Variants in PAX7 observed in about 807,000 individuals in gnomAD.
PAX7 encodes the protein paired box 7.
In PAX7, 18 loss-of-function variants were observed where a neutral mutation model predicts 50.7. The ratio of observed to expected loss-of-function variants is 0.36; its 90% confidence interval spans 0.25 to 0.53. The LOEUF (loss-of-function observed/expected upper bound fraction) is 0.53. Ranked by LOEUF, PAX7 falls within the 20% of genes least tolerant of loss-of-function variation. The pLI is 0.93. For missense variants in PAX7, 644 were observed against 702.9 expected (o/e 0.92, Z 0.95); for synonymous variants, 310 against 290.4 (o/e 1.07, Z -0.69).
intron 7 of PAX7, among the ~76,000 whole-genome samples, chr1:18,715,416 A>G (rs537160296): frequency 8.5e-4 from 129 of 152,370 alleles, no homozygotes; most frequent in African/African-American, 2.9e-3. Context: ...ACCACAAGCC[A>G]GATGCTGTGC....
intron 5 of PAX7, among the ~76,000 whole-genome samples, chr1:18,692,534 T>A (rs1348178444): frequency 1.5e-5 from 2 of 133,782 alleles, no homozygotes; most frequent in Admixed American, 1.6e-4. Context: ...AGAGCGAGAC[T>A]CCATCTCACA....
intron 8 of PAX7, among the ~76,000 whole-genome samples, chr1:18,738,371 C>T (rs950865684): frequency 6.6e-6 from 1 of 152,140 alleles, no homozygotes; most frequent in Admixed American, 6.5e-5. Context: ...CACCCAAGCT[C>T]GGTGCCCTGC....
intron 4 of PAX7, among the ~76,000 whole-genome samples, chr1:18,680,077 T>C (rs1301871775): frequency 1.3e-5 from 2 of 152,146 alleles, no homozygotes; most frequent in Non-Finnish European, 2.9e-5. Flanking sequence ...TTGTCCTCAT[T>C]TTACAGATGA....
intron 3 of PAX7, 141 bp downstream of exon 3, chr1:18,635,381 A>T: frequency 1.1e-6 from 1 of 918,346 alleles, no homozygotes; most frequent in Non-Finnish European, 1.6e-6. Flanking sequence ...AGGAGTACAG[A>T]AAGGCAGAGT....
chr1:18,698,659 G>A (rs1199525210), intron 5 of PAX7, among the ~76,000 whole-genome samples: 4 of 152,168 alleles, frequency 2.6e-5, no homozygotes, highest in South Asian at 4.1e-4. Context: ...TCCTTGCAGG[G>A]CTCCCTCCAG....
chr1:18,659,597 C>T (rs543662566), intron 4 of PAX7, among the ~76,000 whole-genome samples: 10 of 152,210 alleles, frequency 6.6e-5, no homozygotes, highest in African/African-American at 2.4e-4. Context: ...TGGTTTTTCC[C>T]CTGGGGAAAG....
chr1:18,668,785 A>G (rs1217597409), intron 4 of PAX7, among the ~76,000 whole-genome samples: 3 of 152,234 alleles, frequency 2.0e-5, no homozygotes, highest in Non-Finnish European at 4.4e-5. Context: ...CTTTGCATGC[A>G]TTCACATAAA....
At chr1:18,689,801 T>C (rs2089040732) in intron 4 of PAX7, among the ~76,000 whole-genome samples, 1 of 152,266 alleles carries the variant, frequency 6.6e-6, no homozygotes, top group African/African-American at 2.4e-5. Flanking sequence ...TGTGCTCTCC[T>C]GTCTGCCTGC....
At chr1:18,656,375 T>C (rs1452346368) in intron 4 of PAX7, among the ~76,000 whole-genome samples, 1 of 152,112 alleles carries the variant, frequency 6.6e-6, no homozygotes, top group Non-Finnish European at 1.5e-5. Flanking sequence ...GGTGCACACC[T>C]GTAATCCCAG....
At chr1:18,685,309 C>G (rs944404514) in intron 4 of PAX7, among the ~76,000 whole-genome samples, 1 of 152,176 alleles carries the variant, frequency 6.6e-6, no homozygotes, top group African/African-American at 2.4e-5. Context: ...GTGACTGCTG[C>G]AGTGTGTCAG....
chr1:18,676,506 G>A (rs925858209), intron 4 of PAX7, among the ~76,000 whole-genome samples: 6 of 150,916 alleles, frequency 4.0e-5, no homozygotes. Context: ...GGGGAGGGGA[G>A]GGGAGGGGAA....
chr1:18,683,330 T>A (rs2088925877), intron 4 of PAX7, among the ~76,000 whole-genome samples: 1 of 152,236 alleles, frequency 6.6e-6, no homozygotes. Context: ...CCGGCACTGT[T>A]GTTTTTCTAA....
chr1:18,734,241 G>A (rs982974073), intron 7 of PAX7, among the ~76,000 whole-genome samples: 7 of 152,122 alleles, frequency 4.6e-5, no homozygotes, highest in African/African-American at 1.7e-4. Context: ...AGCAGGGATT[G>A]CCACGTGGTT....
chr1:18,743,225 A>C (rs1222410628), intron 8 of PAX7, among the ~76,000 whole-genome samples: 2 of 152,220 alleles, frequency 1.3e-5, no homozygotes, highest in East Asian at 3.8e-4. Flanking sequence ...CATTTTACAG[A>C]CAAGGAAACT....
chr1:18,721,685 A>G (rs928539518), intron 7 of PAX7, among the ~76,000 whole-genome samples: 4 of 152,196 alleles, frequency 2.6e-5, no homozygotes, highest in Non-Finnish European at 4.4e-5. Flanking sequence ...AGAGCCACTC[A>G]TGGTGGTGGA....
Position 18,726,670 on chromosome 1 carries a change from C to G in PAX7, c.1156-8962C>G, listed in dbSNP as rs2089575461. On this transcript the variant is annotated intron_variant, in intron 7 of 8. Transcript: ENST00000420770. This position sits in a 1 kb window ranked among gnomAD's most constrained non-coding sequence, Gnocchi z 4.8. ...CTTGAACACAGGGACCTCACAGCCT[C>G]TTTTGGCTGCACCTCCCAGGGTCTC... Among the ~76,000 whole-genome samples the G allele has an allele frequency of 6.6e-6, 1 of 152,226 alleles. No individual in the cohort carries two copies. Among genetic ancestry groups the G allele is most frequent in the South Asian group, 2.1e-4 (1 of 4,836 alleles).
intron 4 of PAX7, among the ~76,000 whole-genome samples, chr1:18,663,394 T>C (rs891968903): frequency 6.6e-5 from 10 of 152,230 alleles, no homozygotes; most frequent in African/African-American, 2.4e-4. Flanking sequence ...TGTTCTGTTT[T>C]GTTTTTGAGA....
chr1:18,677,108 A>C (rs1457169432), intron 4 of PAX7, among the ~76,000 whole-genome samples: 1 of 152,186 alleles, frequency 6.6e-6, no homozygotes, highest in African/African-American at 2.4e-5. Context: ...TTTGGGGGAC[A>C]CTTCCGCCCT....
chr1:18,736,388 C>T (rs572004752), intron 8 of PAX7, among the ~76,000 whole-genome samples: 3 of 151,190 alleles, frequency 2.0e-5, no homozygotes, highest in African/African-American at 7.3e-5. Flanking sequence ...TCACTTGAAC[C>T]CGGGAAGCGG....
Sources: gnomAD v4.1 joint callset for allele counts (sites outside exome capture counted in the v4.1 genomes callset) on GRCh38, gnomAD v4.1.1 for gene constraint, Gnocchi (gnomAD v3.1) non-coding constraint, MANE v1.5 for transcripts, NCBI Gene and HGNC (gene_info 2026-07-23, HGNC 2026-07-21) for gene names.